The following KCNK2 variants were observed in gnomAD, a reference collection of about 807,000 sequenced individuals.
KCNK2 encodes potassium two pore domain channel subfamily K member 2.
In KCNK2, 21 loss-of-function variants were observed where a neutral mutation model predicts 40.5. The observed-to-expected ratio is 0.52, with a 90% CI of 0.37 to 0.75. KCNK2 has a LOEUF of 0.75. KCNK2 is among the 30% of genes least tolerant of loss of function. KCNK2 has a pLI of 0.00. For missense variants in KCNK2, 399 were observed against 531.6 expected (o/e 0.75, Z 2.45); for synonymous variants, 191 against 202.2 (o/e 0.94, Z 0.47).
intron 5 of KCNK2, among the ~76,000 whole-genome samples, chr1:215,175,569 G>A (rs1171403583): frequency 6.6e-6 from 1 of 151,892 alleles, no homozygotes; most frequent in East Asian, 1.9e-4. Context: ...GCGATGTTGA[G>A]GTTTGGGGTA....
Position 215,203,751 on chromosome 1 carries a change from A to G in KCNK2, c.963+8659A>G, listed in dbSNP as rs895793469. ...AAAAAAATGAATATAGAAATTTCAA[A>G]TATGTTGGATATTCTATGGACTTTT... On this transcript the variant is annotated intron_variant, in intron 6 of 6. Transcript: ENST00000444842. Among the ~76,000 whole-genome samples the G allele has an allele frequency of 2.0e-5, 3 of 152,106 alleles. No individual in the cohort carries two copies. The South Asian group carries it at 6.2e-4, about 31-fold the overall frequency.
chr1:215,190,240 G>A (rs979585863), intron 5 of KCNK2, among the ~76,000 whole-genome samples: 2 of 152,162 alleles, frequency 1.3e-5, no homozygotes, highest in Admixed American at 1.3e-4. Context: ...ACGCTGGAGA[G>A]AGGACAGAGC....
intron 1 of KCNK2, among the ~76,000 whole-genome samples, chr1:215,051,664 G>A (rs1657994706): frequency 6.6e-6 from 1 of 152,152 alleles, no homozygotes; most frequent in South Asian, 2.1e-4. Flanking sequence ...ACAACATTCA[G>A]GCTTGGGAAG....
intron 3 of KCNK2, among the ~76,000 whole-genome samples, chr1:215,167,213 C>T (rs764651637): frequency 7.9e-5 from 12 of 151,562 alleles, no homozygotes; most frequent in Non-Finnish European, 1.2e-4. Flanking sequence ...GAAATAAATA[C>T]AAAAATTGAC....
chr1:215,021,976 C>A (rs1384604440), intron 1 of KCNK2, among the ~76,000 whole-genome samples: 3 of 152,128 alleles, frequency 2.0e-5, no homozygotes, highest in Non-Finnish European at 2.9e-5. Context: ...GCACTGGCTG[C>A]ACTGGTTTTC....
At chr1:215,074,808 T>C (rs953889808) in intron 1 of KCNK2, among the ~76,000 whole-genome samples, 4 of 152,228 alleles carry the variant, frequency 2.6e-5, no homozygotes, top group African/African-American at 7.2e-5. Context: ...AGTCTAAATA[T>C]GCTGTGTTCA....
At chr1:215,101,931 T>C (rs935651564) in intron 2 of KCNK2, among the ~76,000 whole-genome samples, 4 of 152,058 alleles carry the variant, frequency 2.6e-5, no homozygotes, top group Non-Finnish European at 4.4e-5. Flanking sequence ...GGTTTGTGTA[T>C]TCACTATACT....
At chr1:215,109,017 A>T (rs1660562671) in intron 2 of KCNK2, among the ~76,000 whole-genome samples, 1 of 152,028 alleles carries the variant, frequency 6.6e-6, no homozygotes, top group South Asian at 2.1e-4. Context: ...ATGCATATAT[A>T]TATCATTCAT....
chr1:215,007,011 A>ATGTGTGTGTGTG lies in KCNK2; in HGVS notation c.34+1057_34+1058insGTGTGTGTGTGT, dbSNP rs1458691596. 9.0e-3 allele frequency among the ~76,000 whole-genome samples: 155 copies of ATGTGTGTGTGTG among 17,254 alleles called. 9 individuals are homozygous for ATGTGTGTGTGTG. The highest frequency in any genetic ancestry group is 0.013 in the African/African-American group (139 of 10,462). 11.3% of individuals were successfully genotyped at this position (17,254 alleles called of 152,430 possible). On this transcript the variant is annotated intron_variant, in intron 1 of 6. Transcript: ENST00000391895. The stretch of plus-strand genomic sequence containing the variant: ...GGACCAATTCACTATATATATATAT[A>ATGTGTGTGTGTG]TATATATATATATATATATATATAT...
At chr1:215,164,885 C>A (rs919093596) in intron 3 of KCNK2, among the ~76,000 whole-genome samples, 1 of 152,106 alleles carries the variant, frequency 6.6e-6, no homozygotes, top group Non-Finnish European at 1.5e-5. Context: ...ATAGCTGCAG[C>A]CCTAGTGCTT....
At chr1:215,232,069 C>T (rs908341277) in intron 6 of KCNK2, among the ~76,000 whole-genome samples, 1 of 152,186 alleles carries the variant, frequency 6.6e-6, no homozygotes, top group Non-Finnish European at 1.5e-5. Flanking sequence ...CATATCAATA[C>T]TCATGCCTTT....
chr1:215,042,649 A>G (rs1435542002), intron 1 of KCNK2, among the ~76,000 whole-genome samples: 1 of 152,188 alleles, frequency 6.6e-6, no homozygotes, highest in African/African-American at 2.4e-5. Context: ...CACTGGCACT[A>G]TTGCTTGATG....
intron 3 of KCNK2, among the ~76,000 whole-genome samples, chr1:215,136,493 T>A (rs1414701518): frequency 1.3e-5 from 2 of 152,242 alleles, no homozygotes; most frequent in South Asian, 2.1e-4. Context: ...AATGATTTTT[T>A]AAAATCTATG....
At chr1:215,026,587 C>T (rs987531570) in intron 1 of KCNK2, among the ~76,000 whole-genome samples, 1 of 151,988 alleles carries the variant, frequency 6.6e-6, no homozygotes, top group Non-Finnish European at 1.5e-5. Flanking sequence ...TTTCTGGATT[C>T]TCTCTCTGTT....
At chr1:215,122,613 A>G (rs1040574801) in intron 2 of KCNK2, among the ~76,000 whole-genome samples, 1 of 152,166 alleles carries the variant, frequency 6.6e-6, no homozygotes, top group African/African-American at 2.4e-5. Context: ...TTCATTAAAG[A>G]TAAATGTCAT....
chr1:215,049,191 T>C (rs1179037387), intron 1 of KCNK2, among the ~76,000 whole-genome samples: 4 of 152,240 alleles, frequency 2.6e-5, no homozygotes, highest in Non-Finnish European at 1.5e-5. Flanking sequence ...ATCTGATAGA[T>C]ATATAGTGGT....
Position 215,236,065 on chromosome 1 carries a change from T to TATCTATCTATC in KCNK2, c.*921_*931dup, listed in dbSNP as rs1666874148. On this transcript the variant is annotated 3_prime_UTR_variant, in exon 7 of 7. Coordinates refer to ENST00000444842, the MANE Select transcript of KCNK2 (RefSeq NM_001017425.3). ...AAGAAAATCTATCTATCTATCTATC[T>TATCTATCTATC]ATCTATCTATCTATCTATCTATCTA... The TATCTATCTATC allele has an allele frequency of 1.3e-5, 2 of 149,686 alleles. No individual in the cohort carries two copies. The highest frequency in any genetic ancestry group is 5.1e-5 in the African/African-American group (2 of 39,310). The allele number at this position is 149,686 out of a possible 1,614,324, so 9.3% of individuals were successfully genotyped here. A position where few individuals can be genotyped will look rare whatever the true frequency, so the allele number is the denominator to read the frequency against.
At chr1:215,030,112 A>G (rs539696628) in intron 1 of KCNK2, among the ~76,000 whole-genome samples, 13 of 152,252 alleles carry the variant, frequency 8.5e-5, no homozygotes, top group African/African-American at 2.9e-4. Context: ...TCTAAGAGGT[A>G]GTATCTTATT....
intron 5 of KCNK2, among the ~76,000 whole-genome samples, chr1:215,181,241 C>G (rs1008493728): frequency 1.1e-4 from 16 of 152,022 alleles, no homozygotes; most frequent in Non-Finnish European, 2.2e-4. Context: ...ATATGTTTAT[C>G]TCTTACACTT....
Sources: gnomAD v4.1 joint callset for allele counts (sites outside exome capture counted in the v4.1 genomes callset) on GRCh38, gnomAD v4.1.1 for gene constraint, MANE v1.5 for transcripts, NCBI Gene and HGNC (gene_info 2026-07-23, HGNC 2026-07-21) for gene names.